The following CEP63 variants were observed in gnomAD, a reference collection of about 807,000 sequenced individuals.
The protein encoded by CEP63 is centrosomal protein of 63 kDa.
Under a neutral mutation model 89.1 loss-of-function variants are expected in CEP63, and 84 were observed. That is an observed-to-expected ratio of 0.94 (90% confidence interval 0.79 to 1.13). The LOEUF (loss-of-function observed/expected upper bound fraction) is 1.13. CEP63 is among the 50% of genes most tolerant of loss of function. The pLI, the probability that CEP63 is intolerant of heterozygous loss-of-function variation, is 0.00. For missense variants in CEP63, 838 were observed against 813.3 expected (o/e 1.03, Z -0.37); for synonymous variants, 267 against 272.5 (o/e 0.98, Z 0.20).
chr3:134,726,848 A>G, the CEP63 span, among the ~76,000 whole-genome samples: 6 of 152,316 alleles, frequency 3.9e-5, no homozygotes, highest in Non-Finnish European at 8.8e-5. Flanking sequence ...GGATTAGCAC[A>G]GGGAACTGCC....
At chr3:134,648,923 A>C in the CEP63 span, among the ~76,000 whole-genome samples, 1 of 152,314 alleles carries the variant, frequency 6.6e-6, no homozygotes, top group African/African-American at 2.4e-5. Context: ...CCTGGAAGTG[A>C]GCAAGAGTTT....
downstream of CEP63, among the ~76,000 whole-genome samples, chr3:134,577,057 A>G (rs1403092667): frequency 6.6e-6 from 1 of 152,190 alleles, no homozygotes; most frequent in Non-Finnish European, 1.5e-5. Context: ...ACCATGATGC[A>G]TTACTGCAGT....
chr3:134,499,154 C>A (rs565022361), intron 2 of CEP63, among the ~76,000 whole-genome samples: 2 of 152,268 alleles, frequency 1.3e-5, no homozygotes, highest in East Asian at 3.9e-4. Context: ...GCAGTAATGC[C>A]ATCAGGTCCT....
intron 6 of CEP63, 136 bp downstream of exon 6, chr3:134,537,404 C>A: frequency 1.5e-6 from 1 of 676,920 alleles, no homozygotes. Context: ...GTTTAGGAAG[C>A]CTCTCCTCAG....
the CEP63 span, among the ~76,000 whole-genome samples, chr3:134,758,763 G>C: frequency 3.3e-5 from 5 of 152,092 alleles, no homozygotes; most frequent in Non-Finnish European, 7.4e-5. Flanking sequence ...TTAGCAACTT[G>C]AGTTGAGATC....
chr3:134,551,376 T>C lies in CEP63; in HGVS notation c.1381-550T>C, dbSNP rs1366358834. Reference sequence around the variant, plus strand: ...CTTCTCATTTAGTGTAAAAAAGATGTTGGAATGAAGCTTAAAAAAAGGAGC... The same window carrying C: ...CTTCTCATTTAGTGTAAAAAAGATGCTGGAATGAAGCTTAAAAAAAGGAGC... On this transcript the variant is annotated intron_variant, in intron 11 of 14. Coordinates refer to ENST00000675561, the MANE Select transcript of CEP63 (RefSeq NM_001353108.3). Among the ~76,000 whole-genome samples the C allele has an allele frequency of 5.9e-5, 9 of 151,820 alleles. No homozygotes were observed. In the South Asian group the frequency reaches 6.3e-4, roughly 11 times the overall value.
chr3:134,745,052 G>T, the CEP63 span, among the ~76,000 whole-genome samples: 1 of 152,146 alleles, frequency 6.6e-6, no homozygotes, highest in Non-Finnish European at 1.5e-5. Flanking sequence ...TCACCCCAAA[G>T]AATTTCCTCC....
At chr3:134,587,201 G>A (rs1483674956) in intron 10 of CEP63, among the ~76,000 whole-genome samples, 14 of 148,824 alleles carry the variant, frequency 9.4e-5, no homozygotes, top group East Asian at 5.8e-4. Flanking sequence ...CTGTCAACTC[G>A]TCAAAGTCAT....
At chr3:134,753,456 A>G in the CEP63 span, among the ~76,000 whole-genome samples, 1 of 152,168 alleles carries the variant, frequency 6.6e-6, no homozygotes, top group East Asian at 1.9e-4. Flanking sequence ...CTTGTGACAC[A>G]TAGTGAGCTA....
At chr3:134,595,040 C>G in the CEP63 span, among the ~76,000 whole-genome samples, 2 of 152,156 alleles carry the variant, frequency 1.3e-5, no homozygotes, top group African/African-American at 4.8e-5. Context: ...TAATGGGAAG[C>G]CAGTGCTCCC....
chr3:134,530,075 G>C (rs1386618122), intron 3 of CEP63, among the ~76,000 whole-genome samples: 1 of 151,764 alleles, frequency 6.6e-6, no homozygotes, highest in African/African-American at 2.4e-5. Context: ...GGGTTTCACC[G>C]TGTGAGCCAG....
At chr3:134,716,950 T>C in the CEP63 span, among the ~76,000 whole-genome samples, 1 of 152,202 alleles carries the variant, frequency 6.6e-6, no homozygotes, top group South Asian at 2.1e-4. Flanking sequence ...CTTCCAAAGG[T>C]GCTGAGCATA....
intron 3 of CEP63, among the ~76,000 whole-genome samples, chr3:134,524,323 G>A (rs936398036): frequency 3.3e-5 from 5 of 152,110 alleles, no homozygotes; most frequent in East Asian, 1.9e-4. Context: ...GGATCATGTC[G>A]TCTACAAACA....
chr3:134,665,369 G>T, the CEP63 span, among the ~76,000 whole-genome samples: 1 of 152,178 alleles, frequency 6.6e-6, no homozygotes, highest in Non-Finnish European at 1.5e-5. Flanking sequence ...CCCTGGAGTG[G>T]CTGTTGCACA....
At chr3:134,750,165 C>A in the CEP63 span, among the ~76,000 whole-genome samples, 1 of 152,222 alleles carries the variant, frequency 6.6e-6, no homozygotes, top group African/African-American at 2.4e-5. Flanking sequence ...CCAATGTGAG[C>A]TCTTCGGGGT....
the CEP63 span, among the ~76,000 whole-genome samples, chr3:134,729,173 G>C: frequency 6.6e-6 from 1 of 152,036 alleles, no homozygotes; most frequent in Non-Finnish European, 1.5e-5. Context: ...ATACAAAATG[G>C]TATATAGTGA....
At chr3:134,489,179 A>C (rs2107828420) in intron 1 of CEP63, among the ~76,000 whole-genome samples, 1 of 152,016 alleles carries the variant, frequency 6.6e-6, no homozygotes, top group East Asian at 1.9e-4. Flanking sequence ...AAAAAAAAAA[A>C]ATTCAGTTCC....
chr3:134,729,359 A>G, the CEP63 span, among the ~76,000 whole-genome samples: 9 of 152,342 alleles, frequency 5.9e-5, no homozygotes, highest in African/African-American at 2.2e-4. Flanking sequence ...TGTTATACAT[A>G]CTGTTTCCCA....
chr3:134,527,460 T>A (rs568090695), intron 3 of CEP63, among the ~76,000 whole-genome samples: 55 of 152,074 alleles, frequency 3.6e-4, no homozygotes, highest in Admixed American at 1.2e-3. Flanking sequence ...CCCACCAAGG[T>A]TCTGTCTGCA....
Sources: allele counts gnomAD v4.1 joint callset (sites outside exome capture counted in the v4.1 genomes callset), GRCh38; gene constraint gnomAD v4.1.1; transcripts MANE v1.5; gene names NCBI Gene and HGNC (gene_info 2026-07-23, HGNC 2026-07-21).